The following GPR173 variants were observed in gnomAD, a reference collection of about 807,000 sequenced individuals.
GPR173 encodes probable G protein-coupled receptor 173.
GPR173 carries 2 observed loss-of-function variants against 13.9 expected under a neutral mutation model. That is an observed-to-expected ratio of 0.14 (90% CI 0.06 to 0.45). The LOEUF is 0.45. GPR173 is among the 20% of genes least tolerant of loss of function. GPR173 has a pLI of 0.98. For missense variants in GPR173, 202 were observed against 340.5 expected, an observed-to-expected ratio of 0.59 and a Z score of 3.20; for synonymous variants, 131 against 141.0, an observed-to-expected ratio of 0.93 and a Z score of 0.50.
intron 1 of GPR173, among the ~76,000 whole-genome samples, chrX:53,050,727 CCTT>C (rs2146670059): frequency 8.9e-6 from 1 of 112,168 alleles, no homozygotes; most frequent in Admixed American, 9.4e-5. Flanking sequence ...AGGGACAGGT[CCTT>C]CTTCTCCAGG....
chrX:53,050,102 C>T (rs1479021803), intron 1 of GPR173, among the ~76,000 whole-genome samples: 3 of 111,071 alleles, frequency 2.7e-5, no homozygotes, highest in Admixed American at 1.9e-4. Context: ...CCCCATCTCT[C>T]CCTACAGGTA....
chrX:53,055,501 T>C (rs1932020247), intron 1 of GPR173, among the ~76,000 whole-genome samples: 1 of 110,291 alleles, frequency 9.1e-6, no homozygotes, highest in Non-Finnish European at 1.9e-5. Flanking sequence ...AGTGCAGGCG[T>C]ATACGTACTT....
chrX:53,071,657 A>C, intron 1 of GPR173, among the ~76,000 whole-genome samples: 1 of 111,879 alleles, frequency 8.9e-6, no homozygotes, highest in Non-Finnish European at 1.9e-5. Flanking sequence ...CCTACACCCC[A>C]GCACTGTGGC....
chrX:53,079,998 C>A lies in GPR173; in HGVS notation c.*2255C>A, dbSNP rs1243151966. The stretch of plus-strand genomic sequence containing the variant: ...CCTCATCTCCTCACAAAGCCTGTAG[C>A]CCCATCTCAACCCCGTCTCAGTCTC... On this transcript the variant is annotated 3_prime_UTR_variant, in exon 2 of 2. Coordinates refer to ENST00000332582, the MANE Select transcript of GPR173 (RefSeq NM_018969.6). 8.1e-6 allele frequency: 1 copy of A among 122,924 alleles called. No homozygotes were observed. Among genetic ancestry groups the A allele is most frequent in the African/African-American group, 3.3e-5 (1 of 30,688 alleles). The allele number at this position is 122,924 out of a possible 1,213,427, so 10.1% of individuals were successfully genotyped here.
chrX:53,053,192 G>C (rs781906106), intron 1 of GPR173, among the ~76,000 whole-genome samples: 2 of 112,886 alleles, frequency 1.8e-5, no homozygotes, highest in South Asian at 7.2e-4. Context: ...GCCCAGTTGT[G>C]TGTACAAGTC....
At position 53,067,741 on chromosome X, in the gene GPR173, G is replaced by A. The variant is rs782814431; in HGVS notation, c.-97-8784G>A. Among the ~76,000 whole-genome samples the A allele has an allele frequency of 3.7e-3, 397 of 107,620 alleles. 2 individuals are homozygous for A. Among genetic ancestry groups the A allele is most frequent in the African/African-American group, 0.013 (370 of 29,556 alleles). The allele number at this position is 107,620 out of a possible 115,157, so 93.5% of individuals were successfully genotyped here. A position where few individuals can be genotyped will look rare whatever the true frequency, so the allele number is the denominator to read the frequency against. ...CGGGAGGCTGAGGCAGGAGAATGGC[G>A]TGAACCTGGGAGGCAGAGCTTGCAG... is the stretch of plus-strand genomic sequence containing the variant. On this transcript the variant is annotated intron_variant, in intron 1 of 1. Transcript: ENST00000332582.
At chrX:53,064,281 A>AT (rs1556804055) in intron 1 of GPR173, among the ~76,000 whole-genome samples, 1 of 112,130 alleles carries the variant, frequency 8.9e-6, no homozygotes, top group Non-Finnish European at 1.9e-5. Flanking sequence ...AAGAACAGAG[A>AT]TTTTAGGCTA....
intron 1 of GPR173, among the ~76,000 whole-genome samples, chrX:53,061,362 T>A (rs1932124260): frequency 8.9e-6 from 1 of 111,813 alleles, no homozygotes; most frequent in Admixed American, 9.5e-5. Context: ...GGAATGTTTG[T>A]GTGTCTGTAT....
intron 1 of GPR173, among the ~76,000 whole-genome samples, chrX:53,075,934 C>T (rs1375441774): frequency 9.0e-6 from 1 of 111,272 alleles, no homozygotes; most frequent in Non-Finnish European, 1.9e-5. Flanking sequence ...GTATGTGTAG[C>T]GGGTTGTGAT....
At chrX:53,074,120 AAAT>A in intron 1 of GPR173, among the ~76,000 whole-genome samples, 1 of 90,975 alleles carries the variant, frequency 1.1e-5, no homozygotes, top group Non-Finnish European at 2.0e-5. Flanking sequence ...ACATTTATAT[AAAT>A]ATATATAAAT....
At chrX:53,052,445 G>T (rs1490265616) in intron 1 of GPR173, among the ~76,000 whole-genome samples, 1 of 111,411 alleles carries the variant, frequency 9.0e-6, no homozygotes, top group African/African-American at 3.3e-5. Context: ...GTATGTGAGT[G>T]TGAATGTGTA....
At chrX:53,064,921 A>G (rs1556804099) in intron 1 of GPR173, 1 of 111,987 alleles carries the variant, frequency 8.9e-6, no homozygotes. Context: ...TAGGGGACAC[A>G]TTCAAACCAT....
In GPR173 at chrX:53,050,874, C is replaced by G. The variant is rs782529619; in HGVS notation, c.-98+1390C>G. 6.5e-3 allele frequency among the ~76,000 whole-genome samples: 719 copies of G among 111,445 alleles called. 4 individuals carry two copies. The highest frequency in any genetic ancestry group is 0.023 in the African/African-American group (691 of 30,603). On this transcript the variant is annotated intron_variant, in intron 1 of 1. Transcript: ENST00000332582. ...GGTTATGGGCAGAGCCTCCCTCCCC[C>G]ACCCCACTCCAGTCTTCTTTCCCTG...
At chrX:53,065,620 A>T (rs1932174982) in intron 1 of GPR173, 1 of 112,143 alleles carries the variant, frequency 8.9e-6, no homozygotes, top group Non-Finnish European at 1.9e-5. Flanking sequence ...ATCAACAGGA[A>T]ATTGCTAGCC....
intron 1 of GPR173, among the ~76,000 whole-genome samples, chrX:53,050,499 A>C (rs1931943656): frequency 8.9e-6 from 1 of 112,175 alleles, no homozygotes; most frequent in African/African-American, 3.2e-5. Context: ...CTAGCTCTGC[A>C]ACTTTAGTGG....
At chrX:53,059,245 T>C (rs1372998072) in intron 1 of GPR173, among the ~76,000 whole-genome samples, 1 of 105,501 alleles carries the variant, frequency 9.5e-6, no homozygotes, top group African/African-American at 3.4e-5. Flanking sequence ...CAAGACTCCG[T>C]CTCAAAAAAT....
chrX:53,063,320 C>G (rs1556803984), intron 1 of GPR173, among the ~76,000 whole-genome samples: 3 of 110,359 alleles, frequency 2.7e-5, no homozygotes, highest in Non-Finnish European at 5.7e-5. Flanking sequence ...CAGGGGCAGC[C>G]AAGGGGTACT....
intron 1 of GPR173, among the ~76,000 whole-genome samples, chrX:53,072,861 C>T (rs1397757342): frequency 3.6e-5 from 4 of 111,690 alleles, no homozygotes; most frequent in African/African-American, 1.3e-4. Flanking sequence ...TCTGCTCAGC[C>T]CCTGCCCTAG....
At chrX:53,069,288 C>G (rs868925562) in intron 1 of GPR173, among the ~76,000 whole-genome samples, 1 of 94,422 alleles carries the variant, frequency 1.1e-5, no homozygotes, top group East Asian at 3.2e-4. Flanking sequence ...AAAAAAAAAA[C>G]AGAAAAGAAA....
Sources: allele counts gnomAD v4.1 joint callset (sites outside exome capture counted in the v4.1 genomes callset), GRCh38; gene constraint gnomAD v4.1.1; transcripts MANE v1.5; gene names NCBI Gene and HGNC (gene_info 2026-07-23, HGNC 2026-07-21).